NCOR2: variants seen among roughly 807,000 people sequenced by gnomAD.
NCOR2 encodes the protein nuclear receptor corepressor 2, also known as CTG repeat protein 26.
A neutral mutation model predicts 262.9 loss-of-function variants in NCOR2; 81 were observed. The ratio of observed to expected loss-of-function variants is 0.31; its 90% CI spans 0.26 to 0.37. The LOEUF is 0.37. Ranked by LOEUF, NCOR2 falls within the 10% of genes least tolerant of loss-of-function variation. The pLI, the probability that NCOR2 is intolerant of heterozygous loss-of-function variation, is 1.00. For synonymous variants in NCOR2, 1,659 were observed against 1,559.3 expected, an observed-to-expected ratio of 1.06 and a Z score of -1.51; for missense variants, 3,385 against 3,621.4, an observed-to-expected ratio of 0.93 and a Z score of 1.68.
chr12:124,423,267 G>A (rs991328740), intron 11 of NCOR2, among the ~76,000 whole-genome samples: 8 of 152,222 alleles, frequency 5.3e-5, no homozygotes, highest in African/African-American at 1.9e-4. Flanking sequence ...CAGGGGTGCT[G>A]GGTGGAGTCC....
chr12:124,563,733 G>A (rs1038948123), intron 1 of NCOR2, among the ~76,000 whole-genome samples: 2 of 152,242 alleles, frequency 1.3e-5, no homozygotes, highest in Non-Finnish European at 2.9e-5. Context: ...AGACCTCAAA[G>A]AAATGCCAGG....
intron 13 of NCOR2, among the ~76,000 whole-genome samples, chr12:124,418,369 T>A (rs1235698012): frequency 2.0e-5 from 3 of 152,192 alleles, no homozygotes; most frequent in Non-Finnish European, 2.9e-5. Context: ...TCTTAGGCTG[T>A]AGGAAAGTGG....
intron 1 of NCOR2, among the ~76,000 whole-genome samples, chr12:124,487,437 C>T (rs988115926): frequency 3.3e-5 from 5 of 152,286 alleles, no homozygotes; most frequent in Admixed American, 3.3e-4. Flanking sequence ...TTGACAAAGA[C>T]TCTCCTTGCC....
chr12:124,343,403 T>A (rs1035904168), intron 32 of NCOR2, among the ~76,000 whole-genome samples, 177 bp from the exon 35 acceptor site: 5 of 152,226 alleles, frequency 3.3e-5, no homozygotes, highest in African/African-American at 1.2e-4. Flanking sequence ...TTATAGTTTT[T>A]AAAAAATTCA....
chr12:124,463,810 C>T (rs375146536), intron 5 of NCOR2, among the ~76,000 whole-genome samples: 1 of 152,222 alleles, frequency 6.6e-6, no homozygotes, highest in Non-Finnish European at 1.5e-5. Flanking sequence ...AGACTCAGCC[C>T]GGGCGGAGGA....
exon 20 of NCOR2, chr12:124,372,184 G>A: frequency 6.2e-7 from 1 of 1,601,452 alleles, no homozygotes; most frequent in East Asian, 2.2e-5. Context: ...GGCCTCAGCG[G>A]CCTCCGCGTC....
chr12:124,427,993 C>T (rs1165149530), intron 10 of NCOR2, among the ~76,000 whole-genome samples: 6 of 151,572 alleles, frequency 4.0e-5, no homozygotes, highest in African/African-American at 1.5e-4. Flanking sequence ...ACCCCGGACA[C>T]AGCATCCTTG....
Position 124,504,430 on chromosome 12 carries a change from C to A in NCOR2, c.-117-9062G>T, listed in dbSNP as rs1328369212. Among the ~76,000 whole-genome samples the A allele has an allele frequency of 6.6e-6, 1 of 152,210 alleles. No individual in the cohort carries two copies. Among genetic ancestry groups the A allele is most frequent in the African/African-American group, 2.4e-5 (1 of 41,448 alleles). Reference sequence around the variant, plus strand: ...CTTCTCCTAATGAGGGCTGCTCACACATTGCGGGTGGGAATGTCAGATGTG... The same window carrying A: ...CTTCTCCTAATGAGGGCTGCTCACAAATTGCGGGTGGGAATGTCAGATGTG... On this transcript the variant is annotated intron_variant, in intron 1 of 46. Transcript: ENST00000404621. This position sits in a 1 kb window ranked among gnomAD's most constrained non-coding sequence, Gnocchi z 4.5.
Position 124,466,170 on chromosome 12 carries a change from T to A in NCOR2, c.705+3A>T. On this transcript the variant is annotated splice_donor_region_variant and intron_variant, in intron 5 of 46. Coordinates refer to ENST00000405201, the Ensembl canonical transcript of NCOR2. ...GGCAGCAGGCCAGGGCGGGGACACATACCCGGTTCTCGTCGTAGATGATCT... is the reference window on the plus strand; with the variant it reads ...GGCAGCAGGCCAGGGCGGGGACACAAACCCGGTTCTCGTCGTAGATGATCT... 31 of 1,606,400 alleles carry A rather than the reference T, an allele frequency of 1.9e-5. No individual in the cohort carries two copies. The highest frequency in any genetic ancestry group is 2.5e-5 in the Non-Finnish European group (30 of 1,176,672).
chr12:124,332,719 C>G (rs1038936168), intron 42 of NCOR2, among the ~76,000 whole-genome samples: 1 of 152,198 alleles, frequency 6.6e-6, no homozygotes, highest in African/African-American at 2.4e-5. Flanking sequence ...CTTGCTCCAG[C>G]CTGACCCTCT....
At chr12:124,365,719 C>G (rs2038980324) in intron 20 of NCOR2, among the ~76,000 whole-genome samples, 1 of 151,104 alleles carries the variant, frequency 6.6e-6, no homozygotes, top group Non-Finnish European at 1.5e-5. Context: ...AGCCCACTCT[C>G]CTCCCTCCCC....
intron 13 of NCOR2, among the ~76,000 whole-genome samples, chr12:124,405,645 C>T (rs2042233640): frequency 6.6e-6 from 1 of 152,188 alleles, no homozygotes; most frequent in Non-Finnish European, 1.5e-5. Flanking sequence ...TGCAGGGTCT[C>T]GCAGTGGCCA....
chr12:124,482,398 T>C lies in NCOR2; in HGVS notation c.411+1198A>G, dbSNP rs558352065. ...TGCCAGCCCAAGCCCACCCCAGGGA[T>C]ATCCCAGGTTCCACGCAGGTATCCT... is the stretch of plus-strand genomic sequence containing the variant. On this transcript the variant is annotated intron_variant, in intron 3 of 46. Transcript: ENST00000405201. This position sits in a 1 kb window ranked among gnomAD's most constrained non-coding sequence, Gnocchi z 6.3. Among the ~76,000 whole-genome samples the C allele has an allele frequency of 4.9e-4, 74 of 152,210 alleles. No individual in the cohort carries two copies. The highest frequency in any genetic ancestry group is 1.6e-3 in the African/African-American group (66 of 41,538).
Position 124,531,748 on chromosome 12 carries a change from C to T in NCOR2, c.-118+3817G>A, listed in dbSNP as rs939895. 0.66 allele frequency among the ~76,000 whole-genome samples: 99,038 copies of T among 150,122 alleles called. 32,928 individuals carry two copies. Among genetic ancestry groups the T allele is most frequent in the East Asian group, 0.84 (4,139 of 4,950 alleles). On this transcript the variant is annotated intron_variant, in intron 1 of 46. Transcript: ENST00000404621. This position sits in a 1 kb window ranked among gnomAD's most constrained non-coding sequence, Gnocchi z 4.5. The stretch of plus-strand genomic sequence containing the variant: ...GAGCCCCCGAGAGGTGAGATCCCAC[C>T]GGGCCAGGGCCCTAAAACCTCCCCC...
In NCOR2 at chr12:124,378,013, A is replaced by G. The variant is rs1320733103; in HGVS notation, c.2167+224T>C. 6.6e-6 allele frequency among the ~76,000 whole-genome samples: 1 copy of G among 152,090 alleles called. No individual in the cohort carries two copies. Among genetic ancestry groups the G allele is most frequent in the Non-Finnish European group, 1.5e-5 (1 of 68,026 alleles). On this transcript the variant is annotated intron_variant, in intron 18 of 46. Coordinates refer to ENST00000405201, the Ensembl canonical transcript of NCOR2. This position sits in a 1 kb window ranked among gnomAD's most constrained non-coding sequence, Gnocchi z 4.2. ...GCTGAGCGAGGCTTGGGGCTCCCAG[A>G]GAAGCTGATTATTCTCAGTATTGTT... is the stretch of plus-strand genomic sequence containing the variant.
chr12:124,420,829 C>A (rs2043163018), intron 12 of NCOR2, among the ~76,000 whole-genome samples: 1 of 152,218 alleles, frequency 6.6e-6, no homozygotes, highest in Non-Finnish European at 1.5e-5. Context: ...CAGGACCCCA[C>A]CTCCAATGGG....
In NCOR2 at chr12:124,443,550, T is replaced by C. The variant is rs1780645737; in HGVS notation, c.816-5554A>G. ...GAGTCTCTTGCTCTGTCACCTAGGC[T>C]GGAGTGCAGTGGCGCAATCTCGGCT... On this transcript the variant is annotated intron_variant, in intron 7 of 46. Coordinates refer to ENST00000405201, the Ensembl canonical transcript of NCOR2. The surrounding 1 kb of genome is among the most constrained non-coding windows in gnomAD (Gnocchi z 4.4). 6.6e-6 allele frequency among the ~76,000 whole-genome samples: 1 copy of C among 152,178 alleles called. No individual in the cohort carries two copies. The highest frequency in any genetic ancestry group is 2.4e-5 in the African/African-American group (1 of 41,444).
intron 1 of NCOR2, among the ~76,000 whole-genome samples, chr12:124,526,740 C>A (rs150542252): frequency 9.9e-5 from 15 of 152,252 alleles, no homozygotes; most frequent in African/African-American, 3.4e-4. Context: ...CTGCGCTTCT[C>A]GGAGAGGACA....
At chr12:124,354,009 G>A in intron 27 of NCOR2, 84 bp downstream of exon 29, 1 of 1,259,096 alleles carries the variant, frequency 7.9e-7, no homozygotes, top group South Asian at 1.3e-5. Context: ...GAGGCTAATG[G>A]TTTGGTGACA....
Sources: allele counts gnomAD v4.1 joint callset (sites outside exome capture counted in the v4.1 genomes callset), GRCh38; gene constraint gnomAD v4.1.1; non-coding constraint Gnocchi (gnomAD v3.1); transcripts MANE v1.5; gene names NCBI Gene and HGNC (gene_info 2026-07-23, HGNC 2026-07-21).